The following UBE2D1 variants were observed in gnomAD, a reference collection of about 807,000 sequenced individuals.
UBE2D1 encodes ubiquitin-conjugating enzyme E2 D1.
Under a neutral mutation model 24.6 loss-of-function variants are expected in UBE2D1, and 9 were observed. The observed-to-expected ratio is 0.37, with a 90% CI of 0.22 to 0.64. UBE2D1 has a LOEUF of 0.64. Among genes scored for constraint, UBE2D1 ranks in the 30% least tolerant of loss-of-function variants. The pLI, the probability that UBE2D1 is intolerant of heterozygous loss-of-function variation, is 0.64. For missense variants in UBE2D1, 87 were observed against 177.1 expected (o/e 0.49, Z 2.89); for synonymous variants, 57 against 57.6 (o/e 0.99, Z 0.04).
At chr10:58,346,125 C>T (rs375402804) in intron 1 of UBE2D1, among the ~76,000 whole-genome samples, 6 of 151,930 alleles carry the variant, frequency 3.9e-5, no homozygotes, top group South Asian at 4.2e-4. Context: ...ATTTTCCTGC[C>T]TCAGCCTCCC....
chr10:58,364,581 T>C, intron 4 of UBE2D1, 190 bp from the exon 5 acceptor site: 3 of 511,202 alleles, frequency 5.9e-6, no homozygotes, highest in South Asian at 5.5e-5. Context: ...GACTTGTTTG[T>C]GTTCACATTC....
At chr10:58,352,731 T>C (rs938566324) in intron 1 of UBE2D1, among the ~76,000 whole-genome samples, 1 of 152,198 alleles carries the variant, frequency 6.6e-6, no homozygotes, top group Admixed American at 6.5e-5. Context: ...ATTTACCAGG[T>C]CTTATCACCT....
chr10:58,367,228 G>T (rs1341733145), intron 5 of UBE2D1, among the ~76,000 whole-genome samples: 1 of 151,964 alleles, frequency 6.6e-6, no homozygotes, highest in East Asian at 1.9e-4. Context: ...CTCAGAAGTG[G>T]TGGCATGCAA....
intron 1 of UBE2D1, among the ~76,000 whole-genome samples, chr10:58,355,965 T>A (rs1356725111): frequency 3.9e-5 from 6 of 152,176 alleles, no homozygotes; most frequent in African/African-American, 1.4e-4. Flanking sequence ...TGACAGTACC[T>A]CAGTCTTTCT....
intron 1 of UBE2D1, 25 bp from the exon 2 acceptor site, chr10:58,361,313 C>T: frequency 6.2e-7 from 1 of 1,612,404 alleles, no homozygotes; most frequent in East Asian, 2.2e-5. Flanking sequence ...AGGAATTAAC[C>T]TTACATATTT....
chr10:58,335,282 C>G (rs1190957024), intron 1 of UBE2D1, 57 bp downstream of exon 1: 1 of 1,476,608 alleles, frequency 6.8e-7, no homozygotes, highest in Non-Finnish European at 9.0e-7. Context: ...CCCACGCTGA[C>G]TCGGCCAGTG....
chr10:58,364,533 A>G, intron 4 of UBE2D1: 1 of 427,040 alleles, frequency 2.3e-6, no homozygotes, highest in Non-Finnish European at 4.2e-6. Flanking sequence ...ACTGTCCAAA[A>G]TACTCTTCAG....
At chr10:58,353,331 TAAAC>T (rs1287179142) in intron 1 of UBE2D1, among the ~76,000 whole-genome samples, 5 of 152,156 alleles carry the variant, frequency 3.3e-5, no homozygotes, top group Admixed American at 1.3e-4. Flanking sequence ...AACCATGGAA[TAAAC>T]AAACAAACAA....
chr10:58,362,107 A>C (rs371112711), intron 3 of UBE2D1, among the ~76,000 whole-genome samples: 2 of 152,158 alleles, frequency 1.3e-5, no homozygotes, highest in African/African-American at 4.8e-5. Context: ...ACTTTTGTTA[A>C]AATTATTTCT....
At chr10:58,346,287 C>T in intron 1 of UBE2D1, among the ~76,000 whole-genome samples, 1 of 152,196 alleles carries the variant, frequency 6.6e-6, no homozygotes, top group East Asian at 1.9e-4. Context: ...GCTGGGATTA[C>T]AGGCGTGAGC....
At position 58,349,954 on chromosome 10, in the gene UBE2D1, C is replaced by A. The variant is rs140555689; in HGVS notation, c.25-11384C>A. Among the ~76,000 whole-genome samples, 5 of 152,208 alleles carry A rather than the reference C, an allele frequency of 3.3e-5. No homozygotes were observed. In the East Asian group the frequency reaches 9.6e-4, roughly 29 times the overall value. ...TTTTGCTCACCATATTTGTAAGATT[C>A]ATCTATATTGTTGCCTGGAGCTGTA... On this transcript the variant is annotated intron_variant, in intron 1 of 6. Transcript: ENST00000373910.
intron 1 of UBE2D1, among the ~76,000 whole-genome samples, chr10:58,359,390 A>G (rs905406112): frequency 1.3e-5 from 2 of 152,226 alleles, no homozygotes; most frequent in Admixed American, 6.5e-5. Context: ...GATTAAGTGC[A>G]TATTTATTTT....
At chr10:58,344,876 T>G (rs888798411) in intron 1 of UBE2D1, among the ~76,000 whole-genome samples, 2 of 151,650 alleles carry the variant, frequency 1.3e-5, no homozygotes, top group East Asian at 3.9e-4. Context: ...TGTTTTTTTT[T>G]TTTTTAATGA....
chr10:58,336,161 T>C (rs1050563937), intron 1 of UBE2D1, among the ~76,000 whole-genome samples: 1 of 152,210 alleles, frequency 6.6e-6, no homozygotes, highest in African/African-American at 2.4e-5. Context: ...ATTCGGGCAT[T>C]TCTTTCTGTT....
At chr10:58,349,790 T>C (rs1233959404) in intron 1 of UBE2D1, among the ~76,000 whole-genome samples, 1 of 152,184 alleles carries the variant, frequency 6.6e-6, no homozygotes, top group Non-Finnish European at 1.5e-5. Flanking sequence ...CTAGAAACCC[T>C]TTCTTCTCCC....
intron 1 of UBE2D1, among the ~76,000 whole-genome samples, chr10:58,354,205 TCAAAG>T (rs1251108758): frequency 6.6e-6 from 1 of 152,128 alleles, no homozygotes; most frequent in Non-Finnish European, 1.5e-5. Context: ...CACTTGAGAC[TCAAAG>T]AGGTTAAGTA....
Position 58,361,503 on chromosome 10 carries a change from T to C in UBE2D1, c.97T>C (p.Trp33Arg). The change falls in exon 3 of 7, where the codon TGG (tryptophan) becomes CGG (arginine). Residue 33 changes from tryptophan to arginine, a missense_variant. Physicochemically the swap from Trp to Arg is moderately radical, Grantham distance 101. Coordinates refer to ENST00000373910, the MANE Select transcript of UBE2D1 (RefSeq NM_003338.5). ...TCCTTTGTTTGTTTCAGTGTTCCAC[T>C]GGCAAGCCACTATTATGGGGCCTGT... ...AGPVGDDLFH[W>R]QATIMGPPDS... 3 of 1,614,040 alleles carry C rather than the reference T, an allele frequency of 1.9e-6. No individual in the cohort carries two copies. Among genetic ancestry groups the C allele is most frequent in the Non-Finnish European group, 2.5e-6 (3 of 1,180,022 alleles).
chr10:58,353,934 C>T (rs1205267613), intron 1 of UBE2D1, among the ~76,000 whole-genome samples: 1 of 152,052 alleles, frequency 6.6e-6, no homozygotes, highest in African/African-American at 2.4e-5. Context: ...TCAAATAATA[C>T]CAAACACCTT....
At chr10:58,363,797 G>A (rs1840225955) in intron 4 of UBE2D1, 111 bp downstream of exon 4, 3 of 693,486 alleles carry the variant, frequency 4.3e-6, no homozygotes, top group Non-Finnish European at 6.7e-6. Context: ...CTGTGGGGAG[G>A]TTAGCATTTT....
Sources: gnomAD v4.1 joint callset for allele counts (sites outside exome capture counted in the v4.1 genomes callset) on GRCh38, gnomAD v4.1.1 for gene constraint, MANE v1.5 for transcripts, NCBI Gene and HGNC (gene_info 2026-07-23, HGNC 2026-07-21) for gene names.